ELMO1: variants seen among roughly 807,000 people sequenced by gnomAD.
The protein encoded by ELMO1 is engulfment and cell motility protein 1.
A neutral mutation model predicts 98.9 loss-of-function variants in ELMO1; 26 were observed. The observed-to-expected ratio is 0.26, with a 90% CI of 0.19 to 0.36. The LOEUF (loss-of-function observed/expected upper bound fraction) is 0.36, where lower values mean the gene tolerates loss of function less well. ELMO1 is among the 10% of genes least tolerant of loss of function. The probability of loss-of-function intolerance (pLI) is 1.00; values close to 1 mark genes in which losing one functional copy is unlikely to be tolerated. For synonymous variants in ELMO1, 346 were observed against 346.0 expected (o/e 1.00, Z 0.00); for missense variants, 627 against 935.2 (o/e 0.67, Z 4.30).
intron 14 of ELMO1, among the ~76,000 whole-genome samples, chr7:37,126,041 G>C (rs1786484300): frequency 6.6e-6 from 1 of 152,046 alleles, no homozygotes; most frequent in Non-Finnish European, 1.5e-5. Context: ...GCAAACTATT[G>C]CAAGGACAAA....
intron 2 of ELMO1, among the ~76,000 whole-genome samples, chr7:37,318,741 A>C (rs1799335701): frequency 6.6e-6 from 1 of 152,234 alleles, no homozygotes; most frequent in Non-Finnish European, 1.5e-5. Context: ...TGAGTGTTAC[A>C]TAATGGTGGG....
intron 16 of ELMO1, among the ~76,000 whole-genome samples, chr7:36,907,305 A>T (rs1027631101): frequency 1.3e-5 from 2 of 152,138 alleles, no homozygotes; most frequent in Non-Finnish European, 2.9e-5. Flanking sequence ...ATTTCTCCCA[A>T]ATGGTTGAAA....
intron 16 of ELMO1, among the ~76,000 whole-genome samples, chr7:36,977,872 A>G (rs185350197): frequency 9.5e-4 from 145 of 152,382 alleles, no homozygotes; most frequent in Non-Finnish European, 1.6e-4. Context: ...ATAGGTGAAT[A>G]CACAGATGAC....
At chr7:37,047,097 G>C (rs1262765548) in intron 15 of ELMO1, among the ~76,000 whole-genome samples, 3 of 152,170 alleles carry the variant, frequency 2.0e-5, no homozygotes, top group African/African-American at 7.2e-5. Context: ...AACTTGTAAA[G>C]GAGAAAGAGA....
At chr7:37,160,750 C>T (rs1199731729) in intron 13 of ELMO1, among the ~76,000 whole-genome samples, 1 of 152,112 alleles carries the variant, frequency 6.6e-6, no homozygotes, top group Non-Finnish European at 1.5e-5. Flanking sequence ...TTCTGCATGA[C>T]CAGATGTCCC....
At chr7:37,063,255 A>G (rs555712554) in intron 15 of ELMO1, among the ~76,000 whole-genome samples, 1 of 152,320 alleles carries the variant, frequency 6.6e-6, no homozygotes, top group East Asian at 1.9e-4. Context: ...ACCAAGTATG[A>G]CTGTATTACC....
In ELMO1 at chr7:37,348,614, CTA is replaced by C. The variant is rs564864218; in HGVS notation, c.-73-5853_-73-5852del. 4.0e-3 allele frequency among the ~76,000 whole-genome samples: 604 copies of C among 152,224 alleles called. 6 individuals carry two copies. The highest frequency in any genetic ancestry group is 0.014 in the African/African-American group (585 of 41,514). Reference sequence around the variant, plus strand: ...GTCTGTATAGCAGTAACATCTGACTCTATAACCCGTGAACAAGCCCACTCTTC... The same window carrying C: ...GTCTGTATAGCAGTAACATCTGACTCTAACCCGTGAACAAGCCCACTCTTC... On this transcript the variant is annotated intron_variant, in intron 1 of 21. Coordinates refer to ENST00000310758, the MANE Select transcript of ELMO1 (RefSeq NM_014800.11).
Position 37,299,417 on chromosome 7 carries a change from G to A in ELMO1, c.192+15433C>T, listed in dbSNP as rs1262617893. 8.4e-4 allele frequency among the ~76,000 whole-genome samples: 111 copies of A among 131,600 alleles called. 1 individual carries two copies. The highest frequency in any genetic ancestry group is 2.8e-3 in the African/African-American group (99 of 35,446). The allele number at this position is 131,600 out of a possible 152,430, so 86.3% of individuals were successfully genotyped here. On this transcript the variant is annotated intron_variant, in intron 4 of 21. Coordinates refer to ENST00000310758, the MANE Select transcript of ELMO1 (RefSeq NM_014800.11). Reference sequence around the variant, plus strand: ...TTATGGTTTTAGGTCTAACGTTTAAGTCTTTAATCCATCTTGAATTGATTT... The same window carrying A: ...TTATGGTTTTAGGTCTAACGTTTAAATCTTTAATCCATCTTGAATTGATTT...
chr7:37,108,567 G>A (rs73335563), intron 14 of ELMO1, among the ~76,000 whole-genome samples: 10,270 of 152,224 alleles, frequency 0.067, 585 homozygotes, highest in African/African-American at 0.14. Flanking sequence ...CTTTCCAAGT[G>A]AGTTTTCTCC....
intron 16 of ELMO1, among the ~76,000 whole-genome samples, chr7:36,973,852 G>A (rs1030505576): frequency 4.6e-5 from 7 of 152,238 alleles, no homozygotes; most frequent in Non-Finnish European, 8.8e-5. Flanking sequence ...CGGCCCTGCC[G>A]TTGCCGAGCA....
At chr7:37,125,957 C>T (rs1207632629) in intron 14 of ELMO1, among the ~76,000 whole-genome samples, 1 of 152,102 alleles carries the variant, frequency 6.6e-6, no homozygotes, top group Non-Finnish European at 1.5e-5. Context: ...CCATGGAATA[C>T]TATGCAGCCA....
chr7:37,293,766 CAAAA>C (rs56775177), intron 4 of ELMO1, among the ~76,000 whole-genome samples: 7 of 100,882 alleles, frequency 6.9e-5, no homozygotes, highest in South Asian at 3.3e-4. Flanking sequence ...ACTCTATATC[CAAAA>C]AAAAAAAAAA....
intron 5 of ELMO1, among the ~76,000 whole-genome samples, chr7:37,263,783 G>A (rs1796102116): frequency 6.6e-6 from 1 of 152,184 alleles, no homozygotes; most frequent in African/African-American, 2.4e-5. Context: ...GGGTCTGCAG[G>A]CCAGGGGGTG....
At chr7:37,022,363 C>A (rs1439341571) in intron 15 of ELMO1, among the ~76,000 whole-genome samples, 3 of 152,130 alleles carry the variant, frequency 2.0e-5, no homozygotes, top group Non-Finnish European at 4.4e-5. Flanking sequence ...TGATATATAA[C>A]CACTCCTATA....
At chr7:36,914,432 C>T (rs1028045660) in intron 16 of ELMO1, among the ~76,000 whole-genome samples, 2 of 152,056 alleles carry the variant, frequency 1.3e-5, no homozygotes, top group Admixed American at 6.5e-5. Flanking sequence ...TAAAATTTAC[C>T]CTATAGAGTA....
At chr7:37,216,084 A>C (rs1200528369) in intron 11 of ELMO1, among the ~76,000 whole-genome samples, 1 of 149,970 alleles carries the variant, frequency 6.7e-6, no homozygotes, top group Admixed American at 6.6e-5. Flanking sequence ...AGGCCTCAGG[A>C]AATCTTGTTA....
At chr7:37,271,912 T>G (rs17257293) in intron 4 of ELMO1, 30 bp from the exon 5 acceptor site, 66,046 of 1,605,998 alleles carry the variant, frequency 0.041, 1,646 homozygotes, top group African/African-American at 0.08. Context: ...CTTTGTAAAT[T>G]TTCAAGTAGA....
intron 15 of ELMO1, among the ~76,000 whole-genome samples, chr7:37,091,268 C>T (rs150715319): frequency 8.0e-4 from 122 of 152,090 alleles, no homozygotes; most frequent in African/African-American, 2.8e-3. Context: ...CCACCATGCC[C>T]GGCTAATTTT....
chr7:37,111,949 T>C (rs993573130), intron 14 of ELMO1, among the ~76,000 whole-genome samples: 2 of 152,204 alleles, frequency 1.3e-5, no homozygotes, highest in Admixed American at 6.5e-5. Context: ...CTGAGATTTG[T>C]TGTAAGGCTT....
Sources: allele counts gnomAD v4.1 joint callset (sites outside exome capture counted in the v4.1 genomes callset), GRCh38; gene constraint gnomAD v4.1.1; transcripts MANE v1.5; gene names NCBI Gene and HGNC (gene_info 2026-07-23, HGNC 2026-07-21).